Variants in CSTL1 observed in about 807,000 individuals in gnomAD.
CSTL1 encodes the protein cystatin like 1.
A neutral mutation model predicts 14.4 loss-of-function variants in CSTL1; 14 were observed. The observed-to-expected ratio is 0.97, with a 90% CI of 0.64 to 1.52. The LOEUF (loss-of-function observed/expected upper bound fraction) is 1.52. Ranked by LOEUF, CSTL1 falls within the 40% of genes most tolerant of loss-of-function variation. The probability of loss-of-function intolerance (pLI) is 0.00; values close to 1 mark genes in which losing one functional copy is unlikely to be tolerated. For synonymous variants in CSTL1, 72 were observed against 67.5 expected (o/e 1.07, Z -0.33); for missense variants, 170 against 168.7 (o/e 1.01, Z -0.04).
the CSTL1 span, among the ~76,000 whole-genome samples, chr20:23,454,164 TAC>T: frequency 1.7e-5 from 2 of 116,510 alleles, no homozygotes; most frequent in African/African-American, 6.8e-5. Flanking sequence ...ACACACATAC[TAC>T]ACACACATCT....
chr20:23,440,601 A>G (rs1294760899), intron 2 of CSTL1, 115 bp downstream of exon 2: 3 of 808,926 alleles, frequency 3.7e-6, no homozygotes, highest in African/African-American at 3.4e-5. Flanking sequence ...GTGAGGTCCC[A>G]AGGGGGAAGC....
downstream of CSTL1, among the ~76,000 whole-genome samples, chr20:23,446,590 G>A (rs1034225290): frequency 2.0e-5 from 3 of 152,162 alleles, no homozygotes; most frequent in Admixed American, 1.3e-4. Flanking sequence ...CAGTTCAGGC[G>A]GGCCGTGCGA....
intron 2 of CSTL1, among the ~76,000 whole-genome samples, chr20:23,442,749 T>A (rs965310344): frequency 3.9e-5 from 6 of 152,180 alleles, no homozygotes; most frequent in African/African-American, 1.4e-4. Flanking sequence ...GTGGGCACTC[T>A]CTGCCTCAGT....
the CSTL1 span, among the ~76,000 whole-genome samples, chr20:23,450,179 G>A: frequency 6.6e-6 from 1 of 152,008 alleles, no homozygotes; most frequent in East Asian, 1.9e-4. Context: ...CTGCTTCTCA[G>A]TTTCTCCATA....
At chr20:23,451,082 T>A in the CSTL1 span, among the ~76,000 whole-genome samples, 3 of 152,100 alleles carry the variant, frequency 2.0e-5, no homozygotes, top group Non-Finnish European at 2.9e-5. Context: ...CATCCATCCT[T>A]CCATTCATCC....
Position 23,443,334 on chromosome 20 carries a change from C to T in CSTL1, c.220-600C>T, listed in dbSNP as rs530299776. ...TTTTATGCATTCAGGGAAATGCAAG[C>T]TTCCATTTAGCCCACATAACAACTC... On this transcript the variant is annotated intron_variant, in intron 2 of 3. Transcript: ENST00000347397. 7.9e-5 allele frequency among the ~76,000 whole-genome samples: 12 copies of T among 152,298 alleles called. No individual in the cohort carries two copies. In the South Asian group the frequency reaches 2.5e-3, roughly 32 times the overall value.
At chr20:23,458,430 T>G in the CSTL1 span, 1 of 152,364 alleles carries the variant, frequency 6.6e-6, no homozygotes, top group African/African-American at 2.4e-5. Context: ...TTGCAATCAA[T>G]GAATGTTCCT....
At chr20:23,448,280 C>T (rs1056693580), downstream of CSTL1, among the ~76,000 whole-genome samples, 1 of 146,358 alleles carries the variant, frequency 6.8e-6, no homozygotes, top group Non-Finnish European at 1.5e-5. Context: ...CCACCCCACC[C>T]GCTCACCTTG....
chr20:23,456,735 G>T, the CSTL1 span, among the ~76,000 whole-genome samples: 4 of 152,164 alleles, frequency 2.6e-5, no homozygotes, highest in African/African-American at 9.7e-5. Context: ...TGGCAGGGTC[G>T]CATTCCCTCT....
downstream of CSTL1, among the ~76,000 whole-genome samples, chr20:23,445,860 A>C (rs185167558): frequency 9.0e-3 from 1,368 of 152,182 alleles, 15 homozygotes; most frequent in Middle Eastern, 0.014. Flanking sequence ...ACAGGGCAAA[A>C]CCAGCAAAGG....
At chr20:23,455,137 G>A in the CSTL1 span, among the ~76,000 whole-genome samples, 1 of 152,198 alleles carries the variant, frequency 6.6e-6, no homozygotes, top group Admixed American at 6.5e-5. Context: ...AAGACGAAAG[G>A]ATTGTGGTGC....
downstream of CSTL1, chr20:23,445,076 A>G: frequency 1.6e-6 from 1 of 645,044 alleles, no homozygotes. Context: ...CTCACCACTC[A>G]CATACATGCA....
the CSTL1 span, among the ~76,000 whole-genome samples, chr20:23,454,423 C>T: frequency 6.6e-6 from 1 of 152,046 alleles, no homozygotes; most frequent in East Asian, 1.9e-4. Flanking sequence ...CGCATACATA[C>T]CCACACTCAC....
chr20:23,457,007 G>T, the CSTL1 span, among the ~76,000 whole-genome samples: 1 of 152,126 alleles, frequency 6.6e-6, no homozygotes, highest in African/African-American at 2.4e-5. Flanking sequence ...TTGCCCACAA[G>T]GTAACAAGTT....
the CSTL1 span, chr20:23,451,884 T>C: frequency 6.2e-7 from 1 of 1,613,878 alleles, no homozygotes; most frequent in African/African-American, 1.3e-5. Context: ...GTCCACTGCA[T>C]TTCCACATTC....
chr20:23,451,762 A>G, the CSTL1 span: 1 of 1,340,400 alleles, frequency 7.5e-7, no homozygotes, highest in South Asian at 1.2e-5. Flanking sequence ...AAAGCCACAG[A>G]AAAACCTCAC....
At chr20:23,450,735 T>A in the CSTL1 span, 1 of 523,200 alleles carries the variant, frequency 1.9e-6, no homozygotes, top group East Asian at 2.9e-5. Flanking sequence ...AGAAGGACAT[T>A]TTCTGGAATG....
chr20:23,443,939 G>T lies in CSTL1; in HGVS notation c.225G>T (p.Thr75=), dbSNP rs529625349. 6.2e-7 allele frequency: 1 copy of T among 1,613,272 alleles called. No individual in the cohort carries two copies. The highest frequency in any genetic ancestry group is 8.5e-7 in the Non-Finnish European group (1 of 1,179,368). ...GCACAACTGATTCTCGGCAGCTGAC[G>T]ACGGGAGTGGAGTATATAGTCACTG... ...QRLIRSQMQL[T]TGVEYIVTVK... is the part of the protein sequence containing the mutation. Residue 75 remains threonine, a synonymous_variant, in exon 3 of 4, where the codon ACG becomes ACT. Transcript: ENST00000347397.
At chr20:23,451,779 G>T in the CSTL1 span, 2 of 1,465,002 alleles carry the variant, frequency 1.4e-6, no homozygotes, top group Non-Finnish European at 1.9e-6. Context: ...TCACTGAAAA[G>T]GACTTCTGTC....
Sources: allele counts gnomAD v4.1 joint callset (sites outside exome capture counted in the v4.1 genomes callset), GRCh38; gene constraint gnomAD v4.1.1; transcripts MANE v1.5; gene names NCBI Gene and HGNC (gene_info 2026-07-23, HGNC 2026-07-21).